ANKEF1: variants seen among roughly 807,000 people sequenced by gnomAD.
ANKEF1 encodes ankyrin repeat and EF-hand domain-containing protein 1.
In ANKEF1, 43 loss-of-function variants were observed where a neutral mutation model predicts 65.1. That is an observed-to-expected ratio of 0.66 (90% confidence interval 0.52 to 0.85). The LOEUF (loss-of-function observed/expected upper bound fraction) is 0.85. Ranked by LOEUF, ANKEF1 falls within the 40% of genes least tolerant of loss-of-function variation. ANKEF1 has a pLI of 0.00. For missense variants in ANKEF1, 934 were observed against 952.9 expected (o/e 0.98, Z 0.26); for synonymous variants, 316 against 341.5 (o/e 0.93, Z 0.82).
intron 10 of ANKEF1, among the ~76,000 whole-genome samples, chr20:10,055,048 GAA>G (rs1474946968): frequency 6.6e-6 from 1 of 152,128 alleles, no homozygotes; most frequent in East Asian, 1.9e-4. Flanking sequence ...ATCTTTTGGA[GAA>G]AAGAGTTGTC....
chr20:10,038,320 A>G lies in ANKEF1; in HGVS notation c.19A>G (p.Arg7Gly), dbSNP rs11540070. 1 of 1,565,416 alleles carries G rather than the reference A, an allele frequency of 6.4e-7. No homozygotes were observed. The highest frequency in any genetic ancestry group is 8.7e-7 in the Non-Finnish European group (1 of 1,148,968). MALADKRLENLQIYKVL... is the reference protein window; with the variant it reads MALADKGLENLQIYKVL... ...GTCAAGCATGGCTTTAGCAGATAAGAGACTTGAGAACTTACAGATCTACAA... is the reference window on the plus strand; with the variant it reads ...GTCAAGCATGGCTTTAGCAGATAAGGGACTTGAGAACTTACAGATCTACAA... Residue 7 changes from arginine to glycine, a missense_variant, in exon 3 of 11, where the codon AGA (arginine) becomes GGA (glycine). By Grantham distance (125) the Arg-to-Gly change is moderately radical (BLOSUM62 -2). Coordinates refer to ENST00000378392, the MANE Select transcript of ANKEF1 (RefSeq NM_022096.6).
rs1037167875 is a variant in ANKEF1 at position 10,057,522 on chromosome 20, C to T, written c.*1862C>T. The T allele has an allele frequency of 2.6e-5, 4 of 152,198 alleles. No individual in the cohort carries two copies. Among genetic ancestry groups the T allele is most frequent in the Admixed American group, 6.5e-5 (1 of 15,268 alleles). The allele number at this position is 152,198 out of a possible 1,614,324, so 9.4% of individuals were successfully genotyped here. A position where few individuals can be genotyped will look rare whatever the true frequency, so the allele number is the denominator to read the frequency against. On this transcript the variant is annotated 3_prime_UTR_variant, in exon 11 of 11. Transcript: ENST00000378392. Reference sequence around the variant, plus strand: ...ACCACTTACCACATTTGCTCTATCTCTTTCTCCCTCTACATATATGCATAT... The same window carrying T: ...ACCACTTACCACATTTGCTCTATCTTTTTCTCCCTCTACATATATGCATAT...
At chr20:10,039,862 CATCTT>C (rs1184903379) in intron 3 of ANKEF1, among the ~76,000 whole-genome samples, 3 of 152,010 alleles carry the variant, frequency 2.0e-5, no homozygotes, top group African/African-American at 7.3e-5. Flanking sequence ...TTTTTAATGA[CATCTT>C]ATATGCCTGG....
At chr20:10,051,568 A>G in intron 7 of ANKEF1, 95 bp from the exon 8 acceptor site, 1 of 931,764 alleles carries the variant, frequency 1.1e-6, no homozygotes, top group Non-Finnish European at 1.6e-6. Flanking sequence ...CAATTTAGCA[A>G]CTTGATAGAA....
rs142831233 is a variant in ANKEF1 at position 10,049,653 on chromosome 20, G to A, written c.1084G>A (p.Val362Met). The A allele has an allele frequency of 6.2e-7, 1 of 1,614,050 alleles. No individual in the cohort carries two copies. Among genetic ancestry groups the A allele is most frequent in the Non-Finnish European group, 8.5e-7 (1 of 1,180,032 alleles). Residue 362 changes from valine (V) to methionine (M), a missense_variant, in exon 7 of 11, where the codon GTG becomes ATG. Transcript: ENST00000378392. Reference protein sequence around the residue: ...GSISKNDFVMVLEERQDYASS... With the variant: ...GSISKNDFVMMLEERQDYASS... ...CATCAGCAAGAACGACTTCGTGATG[G>A]TGTTGGAGGAAAGGCAGGATTATGC...
chr20:10,040,180 ACT>A, intron 3 of ANKEF1, among the ~76,000 whole-genome samples: 1 of 152,328 alleles, frequency 6.6e-6, no homozygotes, highest in South Asian at 2.1e-4. Context: ...TGCAGCCCTC[ACT>A]CTGCATAACC....
intron 3 of ANKEF1, among the ~76,000 whole-genome samples, chr20:10,039,212 A>G (rs1600508748): frequency 6.6e-6 from 1 of 152,368 alleles, no homozygotes; most frequent in South Asian, 2.1e-4. Context: ...ACAATGATTC[A>G]GATCAAACAA....
At chr20:10,042,672 A>G (rs1984260108) in intron 3 of ANKEF1, among the ~76,000 whole-genome samples, 1 of 152,200 alleles carries the variant, frequency 6.6e-6, no homozygotes, top group African/African-American at 2.4e-5. Context: ...CTATACCGAC[A>G]GCCTGCTTCT....
rs144689037 is a variant in ANKEF1 at position 10,045,134 on chromosome 20, G to A, written c.697-440G>A. Among the ~76,000 whole-genome samples the A allele has an allele frequency of 1.4e-4, 22 of 151,732 alleles. No individual in the cohort carries two copies. In the East Asian group the frequency reaches 3.5e-3, roughly 24 times the overall value. On this transcript the variant is annotated intron_variant, in intron 5 of 10. Coordinates refer to ENST00000378392, the MANE Select transcript of ANKEF1 (RefSeq NM_022096.6). ...ATCTTCATTTATATCACTATTTTCCGTGCAATAAAAGTATACACAAAGATA... is the reference window on the plus strand; with the variant it reads ...ATCTTCATTTATATCACTATTTTCCATGCAATAAAAGTATACACAAAGATA...
In ANKEF1 at chr20:10,049,403, A is replaced by G; in HGVS notation, c.834A>G (p.Lys278=). Residue 278 remains lysine, a synonymous_variant, in exon 7 of 11, where the codon AAA becomes AAG. Coordinates refer to ENST00000378392, the MANE Select transcript of ANKEF1 (RefSeq NM_022096.6). ...KYIAQRGCDL[K]WKNLDHKTPR... ...TTTATGTTTTAGGATGTGACCTGAA[A>G]TGGAAGAATTTAGATCATAAAACGC... 1.2e-6 allele frequency: 2 copies of G among 1,610,386 alleles called. No individual in the cohort carries two copies. The highest frequency in any genetic ancestry group is 8.5e-7 in the Non-Finnish European group (1 of 1,178,840).
In ANKEF1 at chr20:10,056,525, G is replaced by GATAGATAC. The variant is rs1438656898; in HGVS notation, c.*872_*873insCATAGATA. 2.0e-5 allele frequency: 3 copies of GATAGATAC among 151,730 alleles called. No individual in the cohort carries two copies. The highest frequency in any genetic ancestry group is 7.3e-5 in the African/African-American group (3 of 41,308). The allele number at this position is 151,730 out of a possible 1,614,324, so 9.4% of individuals were successfully genotyped here. A position where few individuals can be genotyped will look rare whatever the true frequency, so the allele number is the denominator to read the frequency against. ...AGATAGATAGATAGATAGATAGATA[G>GATAGATAC]ATAGATAGATAGAGATTTATTGCAA... On this transcript the variant is annotated 3_prime_UTR_variant, in exon 11 of 11. Transcript: ENST00000378392.
At position 10,044,420 on chromosome 20, in the gene ANKEF1, A is replaced by G; in HGVS notation, c.573A>G (p.Glu191=). 6.2e-7 allele frequency: 1 copy of G among 1,614,110 alleles called. No individual in the cohort carries two copies. Among genetic ancestry groups the G allele is most frequent in the East Asian group, 2.2e-5 (1 of 44,876 alleles). ...NSSTGRTALM[E]ASREGVVEIV... The stretch of plus-strand genomic sequence containing the variant: ...CCACAGGCCGCACAGCTTTAATGGA[A>G]GCGTCAAGAGAAGGGGTAGTGGAAA... The change falls in exon 5 of 11, where the codon GAA becomes GAG. Residue 191 remains glutamate, a synonymous_variant. Coordinates refer to ENST00000378392, the MANE Select transcript of ANKEF1 (RefSeq NM_022096.6).
At chr20:10,046,860 T>A (rs1043787002) in intron 6 of ANKEF1, among the ~76,000 whole-genome samples, 4 of 152,212 alleles carry the variant, frequency 2.6e-5, no homozygotes, top group Admixed American at 1.3e-4. Flanking sequence ...TATAATAGCA[T>A]AATAACATCC....
At position 10,044,467 on chromosome 20, in the gene ANKEF1, G is replaced by A; in HGVS notation, c.620G>A (p.Arg207Lys). The change falls in exon 5 of 11, where the codon AGA becomes AAA. Residue 207 changes from arginine (R) to lysine (K), a missense_variant. By Grantham distance (26) the Arg-to-Lys change is conservative. Coordinates refer to ENST00000378392, the MANE Select transcript of ANKEF1 (RefSeq NM_022096.6). Reference sequence around the variant, plus strand: ...GAAATAGTTCGAGGCATATTGGAAAGAGGAGGTGAAGTGAATGCATTTGAC... The same window carrying A: ...GAAATAGTTCGAGGCATATTGGAAAAAGGAGGTGAAGTGAATGCATTTGAC... ...VVEIVRGILE[R>K]GGEVNAFDND... is the part of the protein sequence containing the mutation. 4 of 1,614,164 alleles carry A rather than the reference G, an allele frequency of 2.5e-6. No homozygotes were observed. The highest frequency in any genetic ancestry group is 3.4e-6 in the Non-Finnish European group (4 of 1,180,020).
At chr20:10,049,178 C>T (rs118012679) in intron 6 of ANKEF1, among the ~76,000 whole-genome samples, 13 of 152,152 alleles carry the variant, frequency 8.5e-5, no homozygotes, top group Non-Finnish European at 1.6e-4. Flanking sequence ...GTATCTTCTT[C>T]AGAATTCACC....
intron 10 of ANKEF1, among the ~76,000 whole-genome samples, chr20:10,055,111 A>G (rs1380031514): frequency 6.6e-6 from 1 of 152,168 alleles, no homozygotes; most frequent in Non-Finnish European, 1.5e-5. Flanking sequence ...CTCGCCTTCT[A>G]TTATAAAAAT....
intron 4 of ANKEF1, 133 bp downstream of exon 4, chr20:10,043,454 G>A (rs1568511448): frequency 2.5e-6 from 2 of 794,370 alleles, no homozygotes; most frequent in Non-Finnish European, 4.0e-6. Flanking sequence ...CTTGAAGATG[G>A]TATACGTTTA....
In ANKEF1 at chr20:10,049,795, G is replaced by A; in HGVS notation, c.1226G>A (p.Gly409Glu). Residue 409 changes from glycine (G) to glutamate (E), a missense_variant, in exon 7 of 11, where the codon GGA becomes GAA. Transcript: ENST00000378392. ...TATTTAAACAAGTCTTTTGTCTTAG[G>A]ATCGTATGGACCTAAGAAAAAGGAA... Reference protein sequence around the residue: ...TRYLNKSFVLGSYGPKKKEKG... With the variant: ...TRYLNKSFVLESYGPKKKEKG... The A allele has an allele frequency of 6.2e-7, 1 of 1,614,072 alleles. No homozygotes were observed. Among genetic ancestry groups the A allele is most frequent in the Non-Finnish European group, 8.5e-7 (1 of 1,180,018 alleles).
At chr20:10,036,086 G>A (rs535861225) in intron 2 of ANKEF1, among the ~76,000 whole-genome samples, 2 of 152,192 alleles carry the variant, frequency 1.3e-5, no homozygotes, top group African/African-American at 2.4e-5. Flanking sequence ...TGAGCTCTTG[G>A]TCAGTCTTAG....
Sources: allele counts gnomAD v4.1 joint callset (sites outside exome capture counted in the v4.1 genomes callset), GRCh38; gene constraint gnomAD v4.1.1; transcripts MANE v1.5; gene names NCBI Gene and HGNC (gene_info 2026-07-23, HGNC 2026-07-21).